FLNB: variants seen among roughly 807,000 people sequenced by gnomAD.
FLNB encodes the protein filamin B.
Under a neutral mutation model 250.6 loss-of-function variants are expected in FLNB, and 111 were observed. The ratio of observed to expected loss-of-function variants is 0.44; its 90% CI spans 0.38 to 0.52. FLNB has a LOEUF of 0.52. Among genes scored for constraint, FLNB ranks in the 20% least tolerant of loss-of-function variants. FLNB has a pLI of 0.00. For synonymous variants in FLNB, 1,302 were observed against 1,372.1 expected (o/e 0.95, Z 1.13); for missense variants, 2,869 against 3,447.8 (o/e 0.83, Z 4.20).
intron 39 of FLNB, among the ~76,000 whole-genome samples, chr3:58,154,412 G>T (rs1159593413): frequency 1.3e-5 from 2 of 152,164 alleles, no homozygotes; most frequent in Non-Finnish European, 2.9e-5. Flanking sequence ...GGGCATGGCG[G>T]CATGAGCCTG....
chr3:58,025,083 C>T (rs1384292548), intron 1 of FLNB, among the ~76,000 whole-genome samples: 4 of 145,512 alleles, frequency 2.7e-5, no homozygotes, highest in Non-Finnish European at 6.0e-5. Context: ...CTGTAATGTC[C>T]TTCCCTTCCA....
At chr3:58,157,915 G>A (rs1018082342) in intron 41 of FLNB, among the ~76,000 whole-genome samples, 8 of 152,220 alleles carry the variant, frequency 5.3e-5, no homozygotes, top group African/African-American at 1.9e-4. Flanking sequence ...TGCTGCCGCA[G>A]GAGAAGTGTG....
intron 43 of FLNB, among the ~76,000 whole-genome samples, chr3:58,168,136 A>G (rs1415314270): frequency 6.6e-6 from 1 of 152,230 alleles, no homozygotes; most frequent in Non-Finnish European, 1.5e-5. Flanking sequence ...AGTGTGACTC[A>G]GGCTTCTTGC....
rs76241968 is a variant in FLNB, at chr3:58,116,339, C to G, written c.2746-2533C>G. On this transcript the variant is annotated intron_variant, in intron 18 of 45. Coordinates refer to ENST00000295956, the MANE Select transcript of FLNB (RefSeq NM_001457.4). ...CATGGTAGTTTTAGGGTATAACAGG[C>G]TGGAAATCCCCAGAAAGGTGGCTGC... 1.4e-3 allele frequency among the ~76,000 whole-genome samples: 214 copies of G among 152,320 alleles called. 1 individual carries two copies. The highest frequency in any genetic ancestry group is 4.6e-3 in the African/African-American group (192 of 41,570).
chr3:58,169,440 T>A lies in FLNB; in HGVS notation c.7418-150T>A. 1.4e-6 allele frequency: 1 copy of A among 707,068 alleles called. No individual in the cohort carries two copies. Among genetic ancestry groups the A allele is most frequent in the African/African-American group, 1.7e-5 (1 of 57,750 alleles). The allele number at this position is 707,068 out of a possible 1,614,324, so 43.8% of individuals were successfully genotyped here. On this transcript the variant is annotated intron_variant, in intron 44 of 45. Coordinates refer to ENST00000295956, the MANE Select transcript of FLNB (RefSeq NM_001457.4). The surrounding 1 kb of genome is among the most constrained non-coding windows in gnomAD (Gnocchi z 4.8). ...GGGATCCTAGGGGTTTAGAAGACATTATGGGTGTGAGATACAGGTGTGGTG... is the reference window on the plus strand; with the variant it reads ...GGGATCCTAGGGGTTTAGAAGACATAATGGGTGTGAGATACAGGTGTGGTG...
intron 1 of FLNB, among the ~76,000 whole-genome samples, chr3:58,065,308 G>C (rs6795015): frequency 0.04 from 6,045 of 152,320 alleles, 417 homozygotes; most frequent in African/African-American, 0.14. Flanking sequence ...GATCACTTCT[G>C]TGCACTGTCT....
intron 1 of FLNB, among the ~76,000 whole-genome samples, chr3:58,024,491 G>T (rs778028038): frequency 3.3e-5 from 5 of 151,928 alleles, no homozygotes; most frequent in African/African-American, 9.7e-5. Context: ...TGGACCTGGG[G>T]GTGGTCTCTC....
At chr3:58,106,957 G>A (rs2097260775) in intron 12 of FLNB, 84 bp downstream of exon 12, 3 of 991,138 alleles carry the variant, frequency 3.0e-6, no homozygotes, top group South Asian at 2.7e-5. Flanking sequence ...TAAGCAGCAT[G>A]TTGAGAGATG....
Position 58,148,761 on chromosome 3 carries a change from T to C in FLNB, c.6000T>C (p.Gly2000=), listed in dbSNP as rs140926445. 355 of 1,613,990 alleles carry C rather than the reference T, an allele frequency of 2.2e-4. No homozygotes were observed. The African/African-American group carries it at 4.2e-3, about 19-fold the overall frequency. The change falls in exon 36 of 46, where the codon GGT becomes GGC. Residue 2000 remains glycine, a synonymous_variant. Transcript: ENST00000295956. ...TCATGGTGGTCCAGTCGGAGATTGG[T>C]GACGCCCGCCGAGCCAAAGTCTATG... is the stretch of plus-strand genomic sequence containing the variant. ...VSIMVVQSEI[G]DARRAKVYGR...
At chr3:58,034,268 C>G (rs1718483) in intron 1 of FLNB, among the ~76,000 whole-genome samples, 2 of 152,194 alleles carry the variant, frequency 1.3e-5, no homozygotes, top group African/African-American at 2.4e-5. Context: ...CATAGGTGTA[C>G]GTTTAACTGT....
chr3:58,103,300 G>A (rs557243606), intron 9 of FLNB, among the ~76,000 whole-genome samples: 59 of 151,036 alleles, frequency 3.9e-4, no homozygotes, highest in Non-Finnish European at 6.2e-4. Context: ...GTGTGCACGC[G>A]CGTGCATGCC....
intron 16 of FLNB, among the ~76,000 whole-genome samples, 194 bp from the exon 17 acceptor site, chr3:58,111,597 C>A (rs1409321395): frequency 6.6e-6 from 1 of 152,142 alleles, no homozygotes; most frequent in South Asian, 2.1e-4. Context: ...TAGAGAGTGA[C>A]CTGTTATAGA....
intron 1 of FLNB, among the ~76,000 whole-genome samples, chr3:58,028,307 T>G (rs773551519): frequency 2.6e-5 from 4 of 152,192 alleles, no homozygotes; most frequent in Non-Finnish European, 5.9e-5. Flanking sequence ...TCGAACAGGC[T>G]GCAGGGGTTT....
chr3:58,153,716 T>G, intron 39 of FLNB, 75 bp downstream of exon 39: 1 of 1,554,310 alleles, frequency 6.4e-7, no homozygotes, highest in Non-Finnish European at 8.8e-7. Flanking sequence ...CCACATACTT[T>G]TTTGCCCCAT....
intron 1 of FLNB, among the ~76,000 whole-genome samples, chr3:58,041,827 C>G (rs992168947): frequency 6.6e-6 from 1 of 152,106 alleles, no homozygotes; most frequent in Non-Finnish European, 1.5e-5. Context: ...GGAAGCTTCC[C>G]GAGCAGCTTG....
intron 38 of FLNB, 83 bp downstream of exon 38, chr3:58,150,310 C>T (rs933019639): frequency 1.3e-6 from 2 of 1,518,246 alleles, no homozygotes; most frequent in African/African-American, 1.4e-5. Flanking sequence ...CAAGTTTAGG[C>T]ATGGCCCAGA....
At chr3:58,009,156 C>T (rs935929120) in intron 1 of FLNB, among the ~76,000 whole-genome samples, 1 of 152,170 alleles carries the variant, frequency 6.6e-6, no homozygotes. Flanking sequence ...TTCTCTACAC[C>T]TGGGGCGCCC....
intron 44 of FLNB, chr3:58,168,956 C>T: frequency 2.7e-6 from 1 of 365,420 alleles, no homozygotes; most frequent in Non-Finnish European, 5.1e-6. Flanking sequence ...TGAAAAATCC[C>T]CTGATTTCTA....
intron 29 of FLNB, among the ~76,000 whole-genome samples, chr3:58,139,286 A>C (rs868551237): frequency 2.0e-5 from 3 of 152,166 alleles, no homozygotes; most frequent in Non-Finnish European, 4.4e-5. Context: ...CTTTTTTACA[A>C]ATGAAGCATG....
Sources: gnomAD v4.1 joint callset for allele counts (sites outside exome capture counted in the v4.1 genomes callset) on GRCh38, gnomAD v4.1.1 for gene constraint, Gnocchi (gnomAD v3.1) non-coding constraint, MANE v1.5 for transcripts, NCBI Gene and HGNC (gene_info 2026-07-23, HGNC 2026-07-21) for gene names.